The following NAALADL2 variants were observed in gnomAD, a reference collection of about 807,000 sequenced individuals.
The protein encoded by NAALADL2 is N-acetylated alpha-linked acidic dipeptidase like 2, also known as inactive N-acetylated-alpha-linked acidic dipeptidase-like protein 2.
In NAALADL2, 76 loss-of-function variants were observed where a neutral mutation model predicts 87.2. The ratio of observed to expected loss-of-function variants is 0.87; its 90% CI spans 0.72 to 1.05. NAALADL2 has a LOEUF of 1.05. Among genes scored for constraint, NAALADL2 ranks in the 50% least tolerant of loss-of-function variants. The pLI, the probability that NAALADL2 is intolerant of heterozygous loss-of-function variation, is 0.00. For missense variants in NAALADL2, 1,089 were observed against 945.8 expected, an observed-to-expected ratio of 1.15 and a Z score of -1.99; for synonymous variants, 354 against 331.0, an observed-to-expected ratio of 1.07 and a Z score of -0.75.
intron 3 of NAALADL2, among the ~76,000 whole-genome samples, chr3:174,807,671 C>T (rs910056536): frequency 2.0e-5 from 3 of 151,846 alleles, no homozygotes; most frequent in Admixed American, 6.6e-5. Context: ...TTATTTCTTT[C>T]CCTTGTTTTC....
intron 4 of NAALADL2, among the ~76,000 whole-genome samples, chr3:175,283,669 A>G (rs1043615736): frequency 6.6e-6 from 1 of 152,134 alleles, no homozygotes; most frequent in Admixed American, 6.5e-5. Flanking sequence ...AAATAACAGT[A>G]GCTTTTCTTA....
intron 12 of NAALADL2, among the ~76,000 whole-genome samples, chr3:175,751,023 C>T (rs199654792): frequency 6.7e-6 from 1 of 149,760 alleles, no homozygotes; most frequent in East Asian, 1.9e-4. Context: ...TTTCATTTGT[C>T]TCAAATAATA....
chr3:175,703,042 T>A (rs1030588992), intron 11 of NAALADL2, among the ~76,000 whole-genome samples: 1 of 152,168 alleles, frequency 6.6e-6, no homozygotes, highest in Non-Finnish European at 1.5e-5. Flanking sequence ...TAACTTGCTT[T>A]AATTAAATGT....
At chr3:175,496,346 T>C (rs947373788) in intron 9 of NAALADL2, among the ~76,000 whole-genome samples, 7 of 152,028 alleles carry the variant, frequency 4.6e-5, no homozygotes, top group Non-Finnish European at 1.0e-4. Flanking sequence ...ATTATATCTT[T>C]AAAAGTTAGA....
chr3:175,138,848 T>C (rs1208637751), intron 2 of NAALADL2, among the ~76,000 whole-genome samples: 1 of 140,178 alleles, frequency 7.1e-6, no homozygotes, highest in Non-Finnish European at 1.5e-5. Context: ...GGCAGATGAA[T>C]TGCACTAAAG....
At chr3:175,227,831 C>T (rs376658179) in intron 2 of NAALADL2, among the ~76,000 whole-genome samples, 8 of 151,918 alleles carry the variant, frequency 5.3e-5, no homozygotes, top group African/African-American at 1.9e-4. Flanking sequence ...ACTATGAACT[C>T]ATATGATCTC....
At chr3:175,022,956 G>A (rs1449438377) in intron 1 of NAALADL2, among the ~76,000 whole-genome samples, 1 of 152,020 alleles carries the variant, frequency 6.6e-6, no homozygotes, top group Non-Finnish European at 1.5e-5. Flanking sequence ...TAGTTTGTTT[G>A]TTTTAATTAC....
chr3:174,585,562 T>C lies in NAALADL2; in HGVS notation c.-115+34925T>C, dbSNP rs147174186. Among the ~76,000 whole-genome samples the C allele has an allele frequency of 7.3e-3, 1,115 of 152,272 alleles. 12 individuals carry two copies. The highest frequency in any genetic ancestry group is 0.026 in the African/African-American group (1,061 of 41,548). ...TCCAAAGATGTGGAGCTGTGAAATA[T>C]CAGAATTTCTACCCTGGATCTGTGC... On this transcript the variant is annotated intron_variant, in intron 2 of 3. Coordinates refer to the NAALADL2 transcript ENST00000434257.
chr3:175,712,364 G>A (rs2151615), intron 11 of NAALADL2, among the ~76,000 whole-genome samples: 48,847 of 151,812 alleles, frequency 0.32, 10,540 homozygotes, highest in African/African-American at 0.62. Flanking sequence ...CAAAACATTA[G>A]ACGGTAGTCC....
intron 1 of NAALADL2, among the ~76,000 whole-genome samples, chr3:174,881,112 G>A (rs1011960959): frequency 2.0e-5 from 3 of 152,016 alleles, no homozygotes; most frequent in African/African-American, 7.2e-5. Context: ...TATTACTTCT[G>A]TAAAGACCCT....
At chr3:175,708,590 A>G (rs1230187257) in intron 11 of NAALADL2, among the ~76,000 whole-genome samples, 2 of 148,544 alleles carry the variant, frequency 1.3e-5, no homozygotes, top group South Asian at 2.1e-4. Context: ...GACTGGTAAC[A>G]TGAACTAGGA....
rs1054570798 is a variant in NAALADL2 at position 175,692,272 on chromosome 3, A to G, written c.1897-45034A>G. ...AATTAATTCATAATTATTCATAGTT[A>G]GTTCATAATTGCATCTTGAGAATGA... On this transcript the variant is annotated intron_variant, in intron 11 of 13. Coordinates refer to ENST00000454872, the MANE Select transcript of NAALADL2 (RefSeq NM_207015.3). 2.0e-5 allele frequency among the ~76,000 whole-genome samples: 3 copies of G among 152,264 alleles called. 1 individual carries two copies. The South Asian group carries it at 6.2e-4, about 32-fold the overall frequency.
At chr3:174,772,882 T>G (rs1273531217) in intron 3 of NAALADL2, among the ~76,000 whole-genome samples, 2 of 152,186 alleles carry the variant, frequency 1.3e-5, no homozygotes, top group Non-Finnish European at 2.9e-5. Flanking sequence ...CATTAGGATG[T>G]TGTGCACTCT....
intron 2 of NAALADL2, among the ~76,000 whole-genome samples, chr3:175,185,647 G>C (rs1286636763): frequency 6.6e-6 from 1 of 151,552 alleles, no homozygotes; most frequent in Non-Finnish European, 1.5e-5. Context: ...CTTTGATGTG[G>C]AAGGAAGATT....
intron 2 of NAALADL2, among the ~76,000 whole-genome samples, chr3:175,120,751 T>C (rs915690299): frequency 6.6e-6 from 1 of 151,804 alleles, no homozygotes; most frequent in Non-Finnish European, 1.5e-5. Context: ...TATTGACCCT[T>C]TTTGTTCTTT....
intron 4 of NAALADL2, among the ~76,000 whole-genome samples, chr3:175,292,873 TAAA>T (rs1755819112): frequency 6.6e-6 from 1 of 151,368 alleles, no homozygotes; most frequent in Non-Finnish European, 1.5e-5. Flanking sequence ...CCGTCTCTAC[TAAA>T]AATACAAAAA....
intron 2 of NAALADL2, among the ~76,000 whole-genome samples, chr3:174,663,538 A>C (rs1725695749): frequency 6.6e-6 from 1 of 152,084 alleles, no homozygotes; most frequent in Non-Finnish European, 1.5e-5. Flanking sequence ...GGAGCAAGAC[A>C]GAGGGGAGAG....
Position 174,470,480 on chromosome 3 carries a change from A to G in NAALADL2, c.-184+29448A>G, listed in dbSNP as rs142855957. Among the ~76,000 whole-genome samples the G allele has an allele frequency of 1.2e-4, 19 of 152,036 alleles. No individual in the cohort carries two copies. In the East Asian group the frequency reaches 3.7e-3, roughly 29 times the overall value. On this transcript the variant is annotated intron_variant, in intron 1 of 3. Transcript: ENST00000434257. ...GTTTACTCCATTGATAGTTTCTTTTATTGTGCAGAAGCTGTCAATTTTTGT... is the reference window on the plus strand; with the variant it reads ...GTTTACTCCATTGATAGTTTCTTTTGTTGTGCAGAAGCTGTCAATTTTTGT...
At chr3:175,035,202 G>A (rs142145509) in intron 1 of NAALADL2, among the ~76,000 whole-genome samples, 2 of 152,262 alleles carry the variant, frequency 1.3e-5, no homozygotes. Flanking sequence ...AAATTGGGAT[G>A]CAACACAATA....
Sources: gnomAD v4.1 joint callset for allele counts (sites outside exome capture counted in the v4.1 genomes callset) on GRCh38, gnomAD v4.1.1 for gene constraint, MANE v1.5 for transcripts, NCBI Gene and HGNC (gene_info 2026-07-23, HGNC 2026-07-21) for gene names.